FOXJ3: variants seen among roughly 807,000 people sequenced by gnomAD.
FOXJ3 encodes the protein forkhead box J3.
In FOXJ3, 22 loss-of-function variants were observed where a neutral mutation model predicts 76.1. That is an observed-to-expected ratio of 0.29 (90% CI 0.21 to 0.41). The LOEUF (loss-of-function observed/expected upper bound fraction) is 0.41. Among genes scored for constraint, FOXJ3 ranks in the 10% least tolerant of loss-of-function variants. FOXJ3 has a pLI of 1.00. For missense variants in FOXJ3, 613 were observed against 762.1 expected (o/e 0.80, Z 2.30); for synonymous variants, 269 against 261.2 (o/e 1.03, Z -0.29).
chr1:42,300,552 G>A (rs1406848826), intron 2 of FOXJ3, among the ~76,000 whole-genome samples: 2 of 152,136 alleles, frequency 1.3e-5, no homozygotes, highest in African/African-American at 4.8e-5. Flanking sequence ...AAGGCGGGTG[G>A]ATCGCTTGAG....
rs1553170579 is a variant in FOXJ3, at chr1:42,324,103, T to TATATACACAGTGTATATATACA, written c.-18+10955_-18+10956insTGTATATATACACTGTGTATAT. 1.1e-3 allele frequency among the ~76,000 whole-genome samples: 93 copies of TATATACACAGTGTATATATACA among 88,308 alleles called. 4 individuals are homozygous for TATATACACAGTGTATATATACA. The highest frequency in any genetic ancestry group is 2.1e-3 in the East Asian group (7 of 3,290). The allele number at this position is 88,308 out of a possible 152,430, so 57.9% of individuals were successfully genotyped here. ...TAGTATATATACTGTATATATACTG[T>TATATACACAGTGTATATATACA]GTATATACACTGTATATACACAGTG... On this transcript the variant is annotated intron_variant, in intron 1 of 12. Coordinates refer to ENST00000361346, the MANE Select transcript of FOXJ3 (RefSeq NM_014947.5).
At chr1:42,333,395 C>T (rs1656274420) in intron 1 of FOXJ3, among the ~76,000 whole-genome samples, 1 of 151,950 alleles carries the variant, frequency 6.6e-6, no homozygotes, top group Non-Finnish European at 1.5e-5. Context: ...AAAATAAACA[C>T]GTTCTAGCCT....
In FOXJ3 at chr1:42,178,558, G is replaced by C. The variant is rs1035615036; in HGVS notation, c.*1152C>G. On this transcript the variant is annotated 3_prime_UTR_variant, in exon 13 of 13. Coordinates refer to ENST00000361346, the MANE Select transcript of FOXJ3 (RefSeq NM_014947.5). ...CCAGCACTCTAGGAGGCTGAGGCAG[G>C]CAGACTGCCTGAGCTCAAGAGTTTG... 1.3e-5 allele frequency: 2 copies of C among 152,264 alleles called. No individual in the cohort carries two copies. The highest frequency in any genetic ancestry group is 4.8e-5 in the African/African-American group (2 of 41,448). The allele number at this position is 152,264 out of a possible 1,614,324, so 9.4% of individuals were successfully genotyped here. A position where few individuals can be genotyped will look rare whatever the true frequency, so the allele number is the denominator to read the frequency against.
At chr1:42,328,751 C>T (rs773786095) in intron 1 of FOXJ3, among the ~76,000 whole-genome samples, 3 of 149,646 alleles carry the variant, frequency 2.0e-5, no homozygotes, top group South Asian at 2.1e-4. Flanking sequence ...ATTGCAACCT[C>T]GGCCTCCCAG....
At chr1:42,235,531 G>A (rs922142478) in intron 4 of FOXJ3, among the ~76,000 whole-genome samples, 6 of 151,440 alleles carry the variant, frequency 4.0e-5, no homozygotes, top group African/African-American at 1.5e-4. Context: ...GTTCCTATTC[G>A]GCCATCTTGG....
chr1:42,182,547 G>C (rs1242671862), intron 11 of FOXJ3, among the ~76,000 whole-genome samples: 1 of 152,138 alleles, frequency 6.6e-6, no homozygotes, highest in Non-Finnish European at 1.5e-5. Context: ...ACCCAGGCTA[G>C]AATGCAGTGG....
intron 1 of FOXJ3, among the ~76,000 whole-genome samples, chr1:42,326,112 G>T (rs976627778): frequency 6.6e-6 from 1 of 152,026 alleles, no homozygotes; most frequent in Non-Finnish European, 1.5e-5. Flanking sequence ...TTAGCCAGGC[G>T]TGATGGCAGG....
rs540972484 is a variant in FOXJ3, at chr1:42,251,445, G to C, written c.444+13670C>G. Among the ~76,000 whole-genome samples, 8 of 152,182 alleles carry C rather than the reference G, an allele frequency of 5.3e-5. No homozygotes were observed. The East Asian group carries it at 1.4e-3, about 26-fold the overall frequency. On this transcript the variant is annotated intron_variant, in intron 4 of 12. Coordinates refer to ENST00000361346, the MANE Select transcript of FOXJ3 (RefSeq NM_014947.5). ...TGTTGCCTGCAAACCTACACTACAA[G>C]AACTGTCAGATGATACCGTTAGGCT... is the stretch of plus-strand genomic sequence containing the variant.
rs971426479 is a variant in FOXJ3 at position 42,226,489 on chromosome 1, A to G, written c.528+1394T>C. On this transcript the variant is annotated intron_variant, in intron 5 of 12. Coordinates refer to ENST00000361346, the MANE Select transcript of FOXJ3 (RefSeq NM_014947.5). ...TAGCCGGGCACAGTGGGTGCCTGTA[A>G]TCCCAGCTACTTGGGAGGCTGAGTC... Among the ~76,000 whole-genome samples the G allele has an allele frequency of 2.0e-5, 3 of 152,144 alleles. No homozygotes were observed. In the East Asian group the frequency reaches 5.8e-4, roughly 29 times the overall value.
Position 42,188,775 on chromosome 1 carries a change from G to A in FOXJ3, c.1607C>T (p.Ala536Val). 1.2e-6 allele frequency: 2 copies of A among 1,609,776 alleles called. No homozygotes were observed. The highest frequency in any genetic ancestry group is 8.5e-7 in the Non-Finnish European group (1 of 1,177,552). Residue 536 changes from alanine to valine, a missense_variant, in exon 11 of 13, where the codon GCC becomes GTC. Physicochemically the swap from Ala to Val is moderately conservative, Grantham distance 64. This residue lies in a region of FOXJ3 where 526 missense variants were observed against 601.4 expected (regional missense o/e 0.87). Transcript: ENST00000361346. Reference protein sequence around the residue: ...SNVQQNVCHGAMHPTKPSQHI... With the variant: ...SNVQQNVCHGVMHPTKPSQHI... ...TTGGGAAGGTTTTGTTGGATGCATG[G>A]CACCATGACAAACATTTTGTTGAAC...
At chr1:42,330,216 T>C (rs930264621) in intron 1 of FOXJ3, among the ~76,000 whole-genome samples, 1 of 152,222 alleles carries the variant, frequency 6.6e-6, no homozygotes, top group Non-Finnish European at 1.5e-5. Context: ...GCTATTATTA[T>C]CATTACATTA....
At chr1:42,242,493 C>A (rs1372899741) in intron 4 of FOXJ3, among the ~76,000 whole-genome samples, 1 of 147,738 alleles carries the variant, frequency 6.8e-6, no homozygotes, top group Non-Finnish European at 1.5e-5. Flanking sequence ...AGAGCTTCGA[C>A]AATAGACTAG....
At chr1:42,266,170 A>C (rs935066803) in intron 3 of FOXJ3, among the ~76,000 whole-genome samples, 7 of 152,174 alleles carry the variant, frequency 4.6e-5, no homozygotes, top group African/African-American at 1.7e-4. Context: ...TAGTCTAACA[A>C]GAATGCCTAT....
At chr1:42,237,678 T>C (rs1012241985) in intron 4 of FOXJ3, among the ~76,000 whole-genome samples, 8 of 151,856 alleles carry the variant, frequency 5.3e-5, no homozygotes, top group African/African-American at 1.9e-4. Context: ...GTGCTTTATA[T>C]CTTTTTTTTT....
intron 4 of FOXJ3, among the ~76,000 whole-genome samples, chr1:42,254,834 G>C (rs1326049456): frequency 7.2e-6 from 1 of 139,564 alleles, no homozygotes; most frequent in Non-Finnish European, 1.5e-5. Flanking sequence ...GGAGGGGGGA[G>C]GGATAGCATT....
chr1:42,279,421 CTAAG>C (rs1290458792), intron 2 of FOXJ3, among the ~76,000 whole-genome samples: 4 of 152,074 alleles, frequency 2.6e-5, no homozygotes, highest in African/African-American at 9.7e-5. Context: ...AGTACAGAAT[CTAAG>C]GCATTAAATC....
intron 1 of FOXJ3, among the ~76,000 whole-genome samples, chr1:42,316,483 G>A (rs1023183986): frequency 4.0e-5 from 6 of 151,536 alleles, no homozygotes; most frequent in East Asian, 1.9e-4. Context: ...AAATACTTAC[G>A]AGCTCTCTCC....
intron 3 of FOXJ3, 92 bp downstream of exon 3, chr1:42,278,256 C>A (rs1327810347): frequency 2.8e-5 from 27 of 955,614 alleles, no homozygotes; most frequent in Non-Finnish European, 3.7e-5. Flanking sequence ...ATTTCATATT[C>A]AATTACATGA....
chr1:42,197,517 C>T (rs921820866), intron 7 of FOXJ3, among the ~76,000 whole-genome samples: 1 of 152,190 alleles, frequency 6.6e-6, no homozygotes, highest in South Asian at 2.1e-4. Flanking sequence ...GGAACCCCAA[C>T]CCACTAGGAC....
Sources: allele counts gnomAD v4.1 joint callset (sites outside exome capture counted in the v4.1 genomes callset), GRCh38; gene constraint gnomAD v4.1.1; regional missense constraint gnomAD v4.1.1; transcripts MANE v1.5; gene names NCBI Gene and HGNC (gene_info 2026-07-23, HGNC 2026-07-21).